The following SPPL3 variants were observed in gnomAD, a reference collection of about 807,000 sequenced individuals.
SPPL3 encodes the protein signal peptide peptidase like 3, also known as signal peptide peptidase-like 3.
SPPL3 carries 5 observed loss-of-function variants against 42.4 expected under a neutral mutation model. The observed-to-expected ratio is 0.12, with a 90% confidence interval of 0.06 to 0.25. The LOEUF is 0.25. SPPL3 is among the 10% of genes least tolerant of loss of function. The pLI is 1.00. For synonymous variants in SPPL3, 195 were observed against 181.8 expected (o/e 1.07, Z -0.58); for missense variants, 235 against 489.0 (o/e 0.48, Z 4.90).
Position 120,882,168 on chromosome 12 carries a change from C to T in SPPL3, c.23+21677G>A, listed in dbSNP as rs147993240. 8.0e-4 allele frequency among the ~76,000 whole-genome samples: 122 copies of T among 152,162 alleles called. 1 individual carries two copies. The highest frequency in any genetic ancestry group is 2.2e-3 in the Admixed American group (33 of 15,278). ...TATATACATACACTACCCCTACCCA[C>T]CAGTTTGACATTTGATAACCATCTT... On this transcript the variant is annotated intron_variant, in intron 1 of 10. Coordinates refer to ENST00000353487, the MANE Select transcript of SPPL3 (RefSeq NM_139015.5).
At chr12:120,835,013 T>C (rs1454691066) in intron 1 of SPPL3, among the ~76,000 whole-genome samples, 2 of 152,234 alleles carry the variant, frequency 1.3e-5, no homozygotes, top group African/African-American at 4.8e-5. Context: ...TAGTTTGTTG[T>C]AACATTCTTG....
chr12:120,791,924 T>C (rs1869929486), intron 2 of SPPL3: 1 of 241,102 alleles, frequency 4.1e-6, no homozygotes, highest in Non-Finnish European at 8.1e-6. Context: ...GCTGCATCAG[T>C]TCACTCTCTC....
Position 120,894,216 on chromosome 12 carries a change from C to G in SPPL3, c.23+9629G>C, listed in dbSNP as rs1024365174. Among the ~76,000 whole-genome samples, 6 of 152,180 alleles carry G rather than the reference C, an allele frequency of 3.9e-5. No individual in the cohort carries two copies. In the East Asian group the frequency reaches 9.7e-4, roughly 24 times the overall value. On this transcript the variant is annotated intron_variant, in intron 1 of 10. Coordinates refer to ENST00000353487, the MANE Select transcript of SPPL3 (RefSeq NM_139015.5). Reference sequence around the variant, plus strand: ...GCGCATGCCCGTTATCCCAGCTACTCGGGAAGCTGAGGCAGGAGAATCACT... The same window carrying G: ...GCGCATGCCCGTTATCCCAGCTACTGGGGAAGCTGAGGCAGGAGAATCACT...
intron 1 of SPPL3, among the ~76,000 whole-genome samples, chr12:120,875,340 A>G (rs1873052575): frequency 6.6e-6 from 1 of 152,244 alleles, no homozygotes; most frequent in Non-Finnish European, 1.5e-5. Context: ...TTATTTCAAC[A>G]TAGATGGTGA....
At chr12:120,789,799 T>C (rs983472360) in intron 3 of SPPL3, among the ~76,000 whole-genome samples, 14 of 114,024 alleles carry the variant, frequency 1.2e-4, no homozygotes, top group East Asian at 8.4e-4. Context: ...CACTCCAGCC[T>C]GAATGACAGA....
chr12:120,826,319 G>A (rs1400438037), intron 1 of SPPL3, among the ~76,000 whole-genome samples: 1 of 151,378 alleles, frequency 6.6e-6, no homozygotes, highest in Non-Finnish European at 1.5e-5. Context: ...AAAGAAAGCA[G>A]GGCAAGAGTC....
At position 120,799,738 on chromosome 12, in the gene SPPL3, G is replaced by A. The variant is rs55670205; in HGVS notation, c.102-8181C>T. Among the ~76,000 whole-genome samples, 389 of 152,274 alleles carry A rather than the reference G, an allele frequency of 2.6e-3. 2 individuals carry two copies. Among genetic ancestry groups the A allele is most frequent in the African/African-American group, 9.1e-3 (380 of 41,542 alleles). ...GGTCACCGCTGCACAAAACAGAAAT[G>A]GGGCACAGTGAGTTAGTAGGGCCTT... On this transcript the variant is annotated intron_variant, in intron 2 of 10. Transcript: ENST00000353487.
At chr12:120,814,840 T>C (rs117821183) in intron 1 of SPPL3, among the ~76,000 whole-genome samples, 9 of 152,328 alleles carry the variant, frequency 5.9e-5, no homozygotes, top group Non-Finnish European at 1.3e-4. Flanking sequence ...ATATTAAATA[T>C]ACTGCTCAGT....
chr12:120,879,067 C>T (rs1181019549), intron 1 of SPPL3, among the ~76,000 whole-genome samples: 1 of 141,750 alleles, frequency 7.1e-6, no homozygotes, highest in Non-Finnish European at 1.5e-5. Flanking sequence ...GAGCCGAGAT[C>T]GCGCCATTGC....
intron 1 of SPPL3, among the ~76,000 whole-genome samples, chr12:120,820,951 C>G (rs1291914255): frequency 6.6e-6 from 1 of 151,968 alleles, no homozygotes; most frequent in Non-Finnish European, 1.5e-5. Flanking sequence ...AATATTATCC[C>G]TGCATTATCA....
At chr12:120,823,133 T>C (rs1034117503) in intron 1 of SPPL3, among the ~76,000 whole-genome samples, 42 of 144,082 alleles carry the variant, frequency 2.9e-4, no homozygotes, top group Admixed American at 8.9e-4. Context: ...TGAGTGATCA[T>C]GCGTGCAAGA....
chr12:120,831,119 T>C (rs902054274), intron 1 of SPPL3, among the ~76,000 whole-genome samples: 5 of 152,136 alleles, frequency 3.3e-5, no homozygotes, highest in Non-Finnish European at 5.9e-5. Context: ...CTTCGGTCCT[T>C]AGACATTCCC....
At chr12:120,886,250 A>G (rs1011074189) in intron 1 of SPPL3, among the ~76,000 whole-genome samples, 30 of 152,116 alleles carry the variant, frequency 2.0e-4, no homozygotes, top group African/African-American at 6.8e-4. Context: ...CCTTGTCTCT[A>G]AATTGTCTTA....
At chr12:120,882,641 G>A (rs1195725172) in intron 1 of SPPL3, among the ~76,000 whole-genome samples, 1 of 152,044 alleles carries the variant, frequency 6.6e-6, no homozygotes, top group African/African-American at 2.4e-5. Flanking sequence ...ATATTAAATG[G>A]TATCAAAAGA....
intron 1 of SPPL3, among the ~76,000 whole-genome samples, chr12:120,848,958 G>A (rs1872134274): frequency 6.6e-6 from 1 of 151,886 alleles, no homozygotes; most frequent in Non-Finnish European, 1.5e-5. Flanking sequence ...CAAGGCCCAG[G>A]ATGTAATACA....
Position 120,903,850 on chromosome 12 carries a change from G to A in SPPL3, c.18C>T (p.Tyr6=), listed in dbSNP as rs777008025. 27 of 1,471,796 alleles carry A rather than the reference G, an allele frequency of 1.8e-5. No homozygotes were observed. Among genetic ancestry groups the A allele is most frequent in the South Asian group, 1.4e-4 (11 of 77,278 alleles). The allele number at this position is 1,471,796 out of a possible 1,614,324, so 91.2% of individuals were successfully genotyped here. The change falls in exon 1 of 11, where the codon TAC becomes TAT. Residue 6 remains tyrosine, a synonymous_variant. Transcript: ENST00000353487. MAEQT[Y]SWAYSLVDSS... Reference sequence around the variant, plus strand: ...TCCCGGAGCCCCGCACTCACCACGAGTAGGTCTGCTCCGCCATGGCGCTGC... The same window carrying A: ...TCCCGGAGCCCCGCACTCACCACGAATAGGTCTGCTCCGCCATGGCGCTGC...
intron 1 of SPPL3, among the ~76,000 whole-genome samples, chr12:120,820,969 T>G (rs1281041887): frequency 6.6e-6 from 1 of 152,122 alleles, no homozygotes; most frequent in Non-Finnish European, 1.5e-5. Flanking sequence ...TCACAAAATA[T>G]TTCATGGAAA....
intron 4 of SPPL3, 23 bp downstream of exon 4, chr12:120,784,451 T>G: frequency 6.3e-7 from 1 of 1,575,156 alleles, no homozygotes; most frequent in South Asian, 1.2e-5. Flanking sequence ...ATGTTAAGAC[T>G]AGACAGAGAA....
At chr12:120,846,590 G>A (rs11065291) in intron 1 of SPPL3, among the ~76,000 whole-genome samples, 5,390 of 152,232 alleles carry the variant, frequency 0.035, 112 homozygotes, top group South Asian at 0.066. Flanking sequence ...CTTACTTAGT[G>A]TATGCTATTT....
Sources: allele counts gnomAD v4.1 joint callset (sites outside exome capture counted in the v4.1 genomes callset), GRCh38; gene constraint gnomAD v4.1.1; transcripts MANE v1.5; gene names NCBI Gene and HGNC (gene_info 2026-07-23, HGNC 2026-07-21).